GBA1: variants seen among roughly 807,000 people sequenced by gnomAD.
GBA1 encodes glucosylceramidase beta 1.
chr1:155,237,531 G>C, the GBA1 span: 1 of 1,613,996 alleles, frequency 6.2e-7, no homozygotes, highest in Non-Finnish European at 8.5e-7. Context: ...ATTTTCAGCT[G>C]TCACTGCCCA....
At chr1:155,239,399 C>T in the GBA1 span, among the ~76,000 whole-genome samples, 2 of 151,832 alleles carry the variant, frequency 1.3e-5, no homozygotes, top group Non-Finnish European at 2.9e-5. Context: ...GTGGTAGTGG[C>T]GCACGCCTAT....
At chr1:155,237,250 T>C in the GBA1 span, 1 of 1,599,606 alleles carries the variant, frequency 6.3e-7, no homozygotes, top group Non-Finnish European at 8.5e-7. Context: ...GAATCCATAG[T>C]TGGGTAGAGA....
chr1:155,235,792 G>A, the GBA1 span: 9 of 1,614,238 alleles, frequency 5.6e-6, no homozygotes, highest in Non-Finnish European at 2.5e-6. Context: ...TCCTCCTTCG[G>A]GGTTCAGGGC....
At chr1:155,241,357 G>C in the GBA1 span, 1 of 606,026 alleles carries the variant, frequency 1.7e-6, no homozygotes, top group Non-Finnish European at 3.0e-6. Context: ...CCTCTCATCT[G>C]TTACAGATTA....
the GBA1 span, chr1:155,240,992 C>T: frequency 8.2e-7 from 1 of 1,215,064 alleles, no homozygotes; most frequent in South Asian, 1.2e-5. Flanking sequence ...GCCATGATGG[C>T]CCTGGATTCA....
chr1:155,237,534 A>G, the GBA1 span: 1 of 1,613,950 alleles, frequency 6.2e-7, no homozygotes, highest in Admixed American at 1.7e-5. Context: ...TTCAGCTGTC[A>G]CTGCCCAGAA....
At chr1:155,235,112 G>A in the GBA1 span, 715 of 1,339,744 alleles carry the variant, frequency 5.3e-4, 5 homozygotes, top group Non-Finnish European at 2.5e-4. Context: ...TAGGGAGCAG[G>A]GAGGAGAAGC....
chr1:155,237,985 A>G, the GBA1 span: 11 of 842,364 alleles, frequency 1.3e-5, no homozygotes, highest in African/African-American at 3.4e-5. Flanking sequence ...GGCAAGATTG[A>G]CAGGCCCAAG....
the GBA1 span, chr1:155,235,956 G>C: frequency 7.6e-5 from 93 of 1,231,108 alleles, no homozygotes; most frequent in East Asian, 1.5e-3. Flanking sequence ...AGCCCTGTGA[G>C]GGGCACATTC....
chr1:155,235,777 T>C, the GBA1 span: 9 of 1,614,066 alleles, frequency 5.6e-6, no homozygotes, highest in East Asian at 6.7e-5. Flanking sequence ...ACGCACCCAA[T>C]TGGGTCCTCC....
At chr1:155,244,442 G>T in the GBA1 span, 3 of 152,236 alleles carry the variant, frequency 2.0e-5, no homozygotes, top group South Asian at 6.2e-4. Flanking sequence ...GGTGAAAAAG[G>T]TTAAGTGCGA....
the GBA1 span, chr1:155,237,705 G>C: frequency 2.6e-6 from 4 of 1,544,678 alleles, no homozygotes; most frequent in Non-Finnish European, 3.5e-6. Context: ...GAGTTCAGGA[G>C]TTCGAGAACA....
chr1:155,240,803 G>T, the GBA1 span: 2 of 1,198,912 alleles, frequency 1.7e-6, no homozygotes, highest in Non-Finnish European at 2.5e-6. Flanking sequence ...CTGCCTTTGG[G>T]TGCCCATGGC....
At chr1:155,238,368 G>T in the GBA1 span, 2 of 1,520,352 alleles carry the variant, frequency 1.3e-6, no homozygotes, top group Non-Finnish European at 1.8e-6. Context: ...AGCCCAACCA[G>T]TGCATCCGGT....
chr1:155,242,412 G>T, the GBA1 span, among the ~76,000 whole-genome samples: 7 of 151,976 alleles, frequency 4.6e-5, no homozygotes, highest in Non-Finnish European at 1.0e-4. Context: ...TAGTAGAGAT[G>T]GGGTTTCACT....
chr1:155,240,136 A>G, the GBA1 span: 2 of 1,480,774 alleles, frequency 1.4e-6, no homozygotes, highest in Non-Finnish European at 1.9e-6. Context: ...GAATGGACAC[A>G]TCTGCTAGGA....
At chr1:155,238,046 A>C in the GBA1 span, 1 of 1,390,556 alleles carries the variant, frequency 7.2e-7, no homozygotes, top group Non-Finnish European at 1.0e-6. Flanking sequence ...GCAGATCTGG[A>C]AGTGGAACTA....
At chr1:155,236,512 T>C in the GBA1 span, 31 of 1,458,748 alleles carry the variant, frequency 2.1e-5, no homozygotes, top group Non-Finnish European at 1.6e-5. Flanking sequence ...GCACACAGGC[T>C]TCTGGAACTT....
At chr1:155,242,083 A>C in the GBA1 span, among the ~76,000 whole-genome samples, 1 of 152,322 alleles carries the variant, frequency 6.6e-6, no homozygotes, top group Admixed American at 6.5e-5. Flanking sequence ...GACTAATCCC[A>C]GCTCTCAGCC....
Sources: gnomAD v4.1 joint callset for allele counts (sites outside exome capture counted in the v4.1 genomes callset) on GRCh38, gnomAD v4.1.1 for gene constraint, MANE v1.5 for transcripts, NCBI Gene and HGNC (gene_info 2026-07-23, HGNC 2026-07-21) for gene names.